PREX2: variants seen among roughly 807,000 people sequenced by gnomAD.
The protein encoded by PREX2 is phosphatidylinositol-3,4,5-trisphosphate dependent Rac exchange factor 2.
In PREX2, 107 loss-of-function variants were observed where a neutral mutation model predicts 203.2. The observed-to-expected ratio is 0.53, with a 90% confidence interval of 0.45 to 0.62. The LOEUF is 0.62. Ranked by LOEUF, PREX2 falls within the 20% of genes least tolerant of loss-of-function variation. PREX2 has a pLI of 0.00. For missense variants in PREX2, 1,777 were observed against 1,955.9 expected, an observed-to-expected ratio of 0.91 and a Z score of 1.72; for synonymous variants, 672 against 663.6, an observed-to-expected ratio of 1.01 and a Z score of -0.19.
chr8:68,156,682 T>C (rs900331064), intron 34 of PREX2, among the ~76,000 whole-genome samples: 3 of 152,114 alleles, frequency 2.0e-5, no homozygotes, highest in Admixed American at 6.6e-5. Context: ...AGCTTTGAAC[T>C]TAGGCTTAAA....
At chr8:68,065,580 G>C (rs760539957) in intron 11 of PREX2, among the ~76,000 whole-genome samples, 118 of 152,124 alleles carry the variant, frequency 7.8e-4, no homozygotes, top group Non-Finnish European at 1.1e-3. Context: ...GTATTAACAA[G>C]TCTTTTGACT....
chr8:68,022,222 G>A (rs1286725981), intron 4 of PREX2, 82 bp downstream of exon 4: 2 of 730,056 alleles, frequency 2.7e-6, no homozygotes, highest in Non-Finnish European at 4.9e-6. Flanking sequence ...TCAATATGGA[G>A]TAAAAATCTG....
In PREX2 at chr8:68,119,455, C is replaced by G. The variant is rs371787029; in HGVS notation, c.3445C>G (p.Arg1149Gly). ...AGGTGATGAACTTCCCTTAAGTGTT[C>G]GCATATCTCATGATAAACAGGACAA... ...DSGDELPLSV[R>G]ISHDKQDKIH... The change falls in exon 28 of 40, where the codon CGC becomes GGC. Residue 1149 changes from arginine to glycine, a missense_variant. Physicochemically the swap from Arg to Gly is moderately radical, Grantham distance 125 (BLOSUM62 -2). Coordinates refer to ENST00000288368, the MANE Select transcript of PREX2 (RefSeq NM_024870.4). 4.3e-6 allele frequency: 7 copies of G among 1,613,270 alleles called. No homozygotes were observed. Among genetic ancestry groups the G allele is most frequent in the Non-Finnish European group, 5.9e-6 (7 of 1,179,468 alleles).
In PREX2 at chr8:68,231,253, G is replaced by A. The variant is rs560621543; in HGVS notation, c.4776-80G>A. ...CACGAAACAAGAAATTATCATCAAT[G>A]TATTTGTTCTACCAATAAAGACACC... On this transcript the variant is annotated intron_variant, in intron 39 of 39. Coordinates refer to ENST00000288368, the MANE Select transcript of PREX2 (RefSeq NM_024870.4). The A allele has an allele frequency of 4.1e-6, 4 of 968,724 alleles. No individual in the cohort carries two copies. In the East Asian group the frequency reaches 9.0e-5, roughly 22 times the overall value. The allele number at this position is 968,724 out of a possible 1,614,324, so 60.0% of individuals were successfully genotyped here.
chr8:68,118,665 C>T, intron 27 of PREX2, 21 bp downstream of exon 27: 1 of 1,554,064 alleles, frequency 6.4e-7, no homozygotes, highest in South Asian at 1.1e-5. Flanking sequence ...TGGTGAAGGC[C>T]TGTGGGCTTT....
chr8:68,056,500 G>A (rs1282359506), intron 10 of PREX2, among the ~76,000 whole-genome samples: 1 of 152,166 alleles, frequency 6.6e-6, no homozygotes, highest in Non-Finnish European at 1.5e-5. Context: ...GGTTTTTGGA[G>A]TAGAACAGAG....
chr8:68,224,975 A>G (rs1283938156), intron 39 of PREX2, among the ~76,000 whole-genome samples: 1 of 151,942 alleles, frequency 6.6e-6, no homozygotes, highest in South Asian at 2.1e-4. Context: ...TGCCTTTCCC[A>G]TATGTGTTTG....
At chr8:68,174,945 A>G (rs749040718) in intron 35 of PREX2, among the ~76,000 whole-genome samples, 10 of 152,236 alleles carry the variant, frequency 6.6e-5, no homozygotes, top group Non-Finnish European at 1.2e-4. Context: ...GTGCACCTGT[A>G]TGCAAGCGCA....
chr8:68,195,616 A>G lies in PREX2; in HGVS notation c.4604+3091A>G, dbSNP rs538838782. On this transcript the variant is annotated intron_variant, in intron 37 of 39. Transcript: ENST00000288368. Reference sequence around the variant, plus strand: ...TTTAGTAATTCTAATTTAGACAGCTAGAGAGGAACCCAAGCCAGATCCACA... The same window carrying G: ...TTTAGTAATTCTAATTTAGACAGCTGGAGAGGAACCCAAGCCAGATCCACA... Among the ~76,000 whole-genome samples, 24 of 151,806 alleles carry G rather than the reference A, an allele frequency of 1.6e-4. No homozygotes were observed. The South Asian group carries it at 4.2e-3, about 26-fold the overall frequency.
At chr8:68,020,081 T>C (rs907307465) in intron 3 of PREX2, among the ~76,000 whole-genome samples, 5 of 151,764 alleles carry the variant, frequency 3.3e-5, no homozygotes, top group Admixed American at 1.3e-4. Flanking sequence ...AATCAACTTG[T>C]GACAAACCTG....
At chr8:67,959,066 T>C (rs963410990) in intron 1 of PREX2, among the ~76,000 whole-genome samples, 2 of 152,088 alleles carry the variant, frequency 1.3e-5, no homozygotes, top group African/African-American at 4.8e-5. Context: ...AGGAAGAAAA[T>C]ACACAAACAA....
In PREX2 at chr8:68,087,758, G is replaced by A; in HGVS notation, c.2062G>A (p.Gly688Ser). ...VKIPDSADGL[G>S]FQIRGFGPSV... ...AATTCCAGATTCAGCTGATGGACTT[G>A]GCTTCCAGATCCGGGGATTTGGCCC... is the stretch of plus-strand genomic sequence containing the variant. Residue 688 changes from glycine to serine, a missense_variant, in exon 19 of 40, where the codon GGC (glycine) becomes AGC (serine). Transcript: ENST00000288368. 3 of 1,613,812 alleles carry A rather than the reference G, an allele frequency of 1.9e-6. No individual in the cohort carries two copies. The highest frequency in any genetic ancestry group is 2.5e-6 in the Non-Finnish European group (3 of 1,179,774).
intron 1 of PREX2, among the ~76,000 whole-genome samples, chr8:67,975,693 T>TC (rs1301086168): frequency 8.1e-6 from 1 of 123,866 alleles, no homozygotes; most frequent in Non-Finnish European, 1.7e-5. Context: ...GATTTCTCTT[T>TC]CTTTTTTTTT....
At chr8:68,174,073 A>G (rs1811933614) in intron 35 of PREX2, among the ~76,000 whole-genome samples, 1 of 152,174 alleles carries the variant, frequency 6.6e-6, no homozygotes. Flanking sequence ...CATCTTAGTC[A>G]AGCTCCTTCA....
intron 35 of PREX2, among the ~76,000 whole-genome samples, chr8:68,184,330 A>T (rs1015118551): frequency 2.6e-5 from 4 of 152,170 alleles, no homozygotes; most frequent in African/African-American, 9.7e-5. Flanking sequence ...AGTGAAACTC[A>T]TAGAGATACC....
intron 35 of PREX2, among the ~76,000 whole-genome samples, chr8:68,178,865 TG>T (rs1315878897): frequency 2.6e-5 from 4 of 152,202 alleles, no homozygotes; most frequent in African/African-American, 7.2e-5. Flanking sequence ...CCAGTGAAGT[TG>T]TATTGCAATC....
chr8:68,076,685 TCACA>T (rs57701553), intron 14 of PREX2, among the ~76,000 whole-genome samples: 1,790 of 143,770 alleles, frequency 0.012, 35 homozygotes, highest in African/African-American at 0.041. Flanking sequence ...AACTCTAAGG[TCACA>T]CACACACACA....
chr8:68,063,841 G>T (rs1808936550), intron 11 of PREX2, among the ~76,000 whole-genome samples: 1 of 152,142 alleles, frequency 6.6e-6, no homozygotes, highest in Middle Eastern at 3.2e-3. Flanking sequence ...CACATTAATA[G>T]AATAATTCTA....
At position 68,231,354 on chromosome 8, in the gene PREX2, A is replaced by G. The variant is rs2280637; in HGVS notation, c.4797A>G (p.Pro1599=). The part of the protein sequence containing the change: ...SAPRLYKLCE[P]PPPAGEE ...CTAGGCTGTACAAGCTGTGCGAGCC[A>G]CCTCCCCCAGCTGGAGAAGAATGAA... Residue 1599 remains proline (P), a synonymous_variant, in exon 40 of 40, where the codon CCA becomes CCG. Coordinates refer to ENST00000288368, the MANE Select transcript of PREX2 (RefSeq NM_024870.4). 0.29 allele frequency: 463,185 copies of G among 1,595,312 alleles called. 70,908 individuals carry two copies. The highest frequency in any genetic ancestry group is 0.44 in the South Asian group (38,569 of 87,490).
Sources: allele counts gnomAD v4.1 joint callset (sites outside exome capture counted in the v4.1 genomes callset), GRCh38; gene constraint gnomAD v4.1.1; transcripts MANE v1.5; gene names NCBI Gene and HGNC (gene_info 2026-07-23, HGNC 2026-07-21).